Variants in DLG1 observed in about 807,000 individuals in gnomAD.
The protein encoded by DLG1 is discs large MAGUK scaffold protein 1, also known as disks large homolog 1.
Under a neutral mutation model 123.4 loss-of-function variants are expected in DLG1, and 42 were observed. That is an observed-to-expected ratio of 0.34 (90% CI 0.27 to 0.44). The LOEUF is 0.44. Ranked by LOEUF, DLG1 falls within the 20% of genes least tolerant of loss-of-function variation. The probability of loss-of-function intolerance (pLI) is 1.00; values close to 1 mark genes in which losing one functional copy is unlikely to be tolerated. For synonymous variants in DLG1, 317 were observed against 356.2 expected (o/e 0.89, Z 1.24); for missense variants, 942 against 1,082.6 (o/e 0.87, Z 1.82).
intron 4 of DLG1, among the ~76,000 whole-genome samples, chr3:197,254,852 A>G (rs767444853): frequency 7.9e-5 from 12 of 152,084 alleles, no homozygotes; most frequent in Non-Finnish European, 1.6e-4. Flanking sequence ...AGTTCAAGAC[A>G]GCCTGGCCAA....
intron 18 of DLG1, among the ~76,000 whole-genome samples, chr3:197,071,236 G>A (rs934651816): frequency 1.3e-5 from 2 of 152,112 alleles, no homozygotes; most frequent in African/African-American, 4.8e-5. Flanking sequence ...AGGGAGGGGA[G>A]TGTAAGTGGG....
intron 4 of DLG1, among the ~76,000 whole-genome samples, chr3:197,272,262 G>C (rs1360755159): frequency 6.6e-6 from 1 of 151,800 alleles, no homozygotes; most frequent in Non-Finnish European, 1.5e-5. Context: ...TGAGGCAGAG[G>C]ATAGCTTGAG....
At chr3:197,297,506 G>T (rs931825968) in intron 1 of DLG1, 1 of 1,225,286 alleles carries the variant, frequency 8.2e-7, no homozygotes. Flanking sequence ...TAGACCTGAG[G>T]CCGCCTCTTC....
intron 4 of DLG1, among the ~76,000 whole-genome samples, chr3:197,227,543 A>G (rs1008118018): frequency 3.3e-5 from 5 of 152,220 alleles, no homozygotes; most frequent in African/African-American, 7.2e-5. Context: ...ATCAATTCAT[A>G]TATTTGTACT....
chr3:197,087,401 G>A (rs879249616), intron 15 of DLG1, among the ~76,000 whole-genome samples: 3 of 151,448 alleles, frequency 2.0e-5, no homozygotes, highest in African/African-American at 7.3e-5. Flanking sequence ...CTCAGGTGTG[G>A]TGGTGGTGGT....
chr3:197,256,750 A>T (rs1260331968), intron 4 of DLG1, among the ~76,000 whole-genome samples: 1 of 152,226 alleles, frequency 6.6e-6, no homozygotes, highest in Non-Finnish European at 1.5e-5. Context: ...CACAACCATA[A>T]GGGATCAATC....
At chr3:197,110,375 T>C (rs1414360484) in intron 13 of DLG1, among the ~76,000 whole-genome samples, 1 of 152,216 alleles carries the variant, frequency 6.6e-6, no homozygotes, top group Non-Finnish European at 1.5e-5. Context: ...TTATTGATAT[T>C]TTTTACATGG....
chr3:197,095,438 T>C (rs1288565183), intron 14 of DLG1, among the ~76,000 whole-genome samples: 1 of 152,164 alleles, frequency 6.6e-6, no homozygotes, highest in African/African-American at 2.4e-5. Flanking sequence ...CTTTGTGACC[T>C]TAATACTGTT....
intron 11 of DLG1, among the ~76,000 whole-genome samples, chr3:197,123,494 T>A (rs528385887): frequency 2.6e-4 from 40 of 152,186 alleles, no homozygotes; most frequent in African/African-American, 9.6e-4. Flanking sequence ...GCAAAAATGC[T>A]GAAAATAATT....
intron 11 of DLG1, among the ~76,000 whole-genome samples, chr3:197,129,688 T>G (rs1342896418): frequency 6.6e-6 from 1 of 152,164 alleles, no homozygotes; most frequent in South Asian, 2.1e-4. Flanking sequence ...TAATGAGAAA[T>G]ATGCAACTTT....
intron 4 of DLG1, among the ~76,000 whole-genome samples, chr3:197,266,453 A>T (rs563450253): frequency 2.6e-4 from 39 of 148,776 alleles, no homozygotes; most frequent in East Asian, 3.9e-4. Flanking sequence ...CCAAAAAATT[A>T]AAAAAAAAAA....
rs1769712528 is a variant in DLG1 at position 197,282,193 on chromosome 3, G to A, written c.318+486C>T. 1.3e-5 allele frequency among the ~76,000 whole-genome samples: 2 copies of A among 152,134 alleles called. 1 individual carries two copies. Among genetic ancestry groups the A allele is most frequent in the South Asian group, 4.1e-4 (2 of 4,836 alleles). On this transcript the variant is annotated intron_variant, in intron 4 of 24. Transcript: ENST00000667157. ...AAGAAATAACTTTACAGAAAATGTA[G>A]AAACCAGTGCTGATGTTCAGGTTTA...
At chr3:197,140,390 T>A in intron 7 of DLG1, 126 bp from the exon 8 acceptor site, 1 of 884,202 alleles carries the variant, frequency 1.1e-6, no homozygotes, top group Non-Finnish European at 1.6e-6. Flanking sequence ...TATGGGTGAG[T>A]AATATAAAGA....
chr3:197,074,982 A>C (rs1426420426), intron 18 of DLG1, among the ~76,000 whole-genome samples: 1 of 152,114 alleles, frequency 6.6e-6, no homozygotes, highest in East Asian at 1.9e-4. Flanking sequence ...AGAAAGAACC[A>C]TTTAGAAAAT....
chr3:197,197,710 C>A (rs1723257374), intron 4 of DLG1, among the ~76,000 whole-genome samples: 1 of 152,150 alleles, frequency 6.6e-6, no homozygotes, highest in Non-Finnish European at 1.5e-5. Flanking sequence ...TGAAAATGAA[C>A]AACAAAGTAC....
chr3:197,161,666 T>C lies in DLG1; in HGVS notation c.484-11870A>G, dbSNP rs755197938. 3.2e-6 allele frequency: 5 copies of C among 1,559,460 alleles called. No homozygotes were observed. The South Asian group carries it at 6.2e-5, about 19-fold the overall frequency. On this transcript the variant is annotated intron_variant, in intron 5 of 24. Coordinates refer to ENST00000667157, the MANE Select transcript of DLG1 (RefSeq NM_001366207.1). Reference sequence around the variant, plus strand: ...TGTGGTATGGTGGGTAGGATGACAGTATTCTCAGCAGGGACTGGCAGGACA... The same window carrying C: ...TGTGGTATGGTGGGTAGGATGACAGCATTCTCAGCAGGGACTGGCAGGACA...
chr3:197,192,991 GA>G (rs977478148), intron 5 of DLG1, among the ~76,000 whole-genome samples: 1 of 151,800 alleles, frequency 6.6e-6, no homozygotes, highest in Non-Finnish European at 1.5e-5. Flanking sequence ...AAAATTACTA[GA>G]AAAAAATAGC....
chr3:197,296,556 A>G (rs1328687910), intron 2 of DLG1, 79 bp from the exon 3 acceptor site: 1 of 1,332,676 alleles, frequency 7.5e-7, no homozygotes, highest in East Asian at 2.3e-5. Flanking sequence ...ATAATTCTGC[A>G]TGACATCTAA....
At chr3:197,273,393 A>T (rs922104169) in intron 4 of DLG1, among the ~76,000 whole-genome samples, 5 of 151,882 alleles carry the variant, frequency 3.3e-5, no homozygotes, top group Admixed American at 6.6e-5. Context: ...GCCCGCCACA[A>T]CAACCGGCTA....
Sources: allele counts gnomAD v4.1 joint callset (sites outside exome capture counted in the v4.1 genomes callset), GRCh38; gene constraint gnomAD v4.1.1; transcripts MANE v1.5; gene names NCBI Gene and HGNC (gene_info 2026-07-23, HGNC 2026-07-21).